Variants in DNAJC15 observed in about 807,000 individuals in gnomAD.
The protein encoded by DNAJC15 is dnaJ homolog subfamily C member 15.
Under a neutral mutation model 22.4 loss-of-function variants are expected in DNAJC15, and 27 were observed. The ratio of observed to expected loss-of-function variants is 1.20; its 90% CI spans 0.89 to 1.66. The LOEUF is 1.66. Ranked by LOEUF, DNAJC15 falls within the 40% of genes most tolerant of loss-of-function variation. The pLI is 0.00. For synonymous variants in DNAJC15, 79 were observed against 63.2 expected (o/e 1.25, Z -1.19); for missense variants, 208 against 187.1 (o/e 1.11, Z -0.65).
At chr13:43,078,436 T>C (rs2040645727) in intron 3 of DNAJC15, among the ~76,000 whole-genome samples, 176 bp from the exon 4 acceptor site, 1 of 152,200 alleles carries the variant, frequency 6.6e-6, no homozygotes, top group Admixed American at 6.5e-5. Context: ...TTTTAAGACT[T>C]CATATTGGTC....
intron 5 of DNAJC15, among the ~76,000 whole-genome samples, chr13:43,105,852 A>G (rs1358615661): frequency 6.6e-6 from 1 of 152,228 alleles, no homozygotes; most frequent in Non-Finnish European, 1.5e-5. Context: ...TAATCATGAA[A>G]TCAACATATT....
chr13:43,051,148 T>C (rs1232866718), intron 1 of DNAJC15, among the ~76,000 whole-genome samples: 1 of 152,124 alleles, frequency 6.6e-6, no homozygotes, highest in Non-Finnish European at 1.5e-5. Flanking sequence ...CTAATTTTTT[T>C]ATTTTTAGTA....
intron 3 of DNAJC15, among the ~76,000 whole-genome samples, chr13:43,076,210 A>G (rs1401712862): frequency 2.0e-5 from 3 of 152,198 alleles, no homozygotes; most frequent in Non-Finnish European, 2.9e-5. Context: ...GTATTGATTC[A>G]TTGATAGATT....
At chr13:43,106,392 G>A (rs1199901242) in intron 5 of DNAJC15, among the ~76,000 whole-genome samples, 1 of 152,036 alleles carries the variant, frequency 6.6e-6, no homozygotes, top group Admixed American at 6.6e-5. Context: ...TTTGTATGTA[G>A]GTTCTGTTTG....
At chr13:43,092,855 G>A (rs1006964545) in intron 5 of DNAJC15, among the ~76,000 whole-genome samples, 1 of 152,134 alleles carries the variant, frequency 6.6e-6, no homozygotes, top group Non-Finnish European at 1.5e-5. Flanking sequence ...TGGAGGCTAC[G>A]GTGAGCTATG....
At chr13:43,048,416 C>T (rs1345383455) in intron 1 of DNAJC15, among the ~76,000 whole-genome samples, 2 of 152,186 alleles carry the variant, frequency 1.3e-5, no homozygotes, top group Non-Finnish European at 1.5e-5. Flanking sequence ...CGTTTGAACC[C>T]GGGAGGCGGA....
intron 1 of DNAJC15, among the ~76,000 whole-genome samples, chr13:43,041,951 G>A (rs935209550): frequency 2.0e-5 from 3 of 152,222 alleles, no homozygotes; most frequent in African/African-American, 4.8e-5. Context: ...AGTAAGCTGG[G>A]AAGTAGTCAG....
chr13:43,097,745 C>T (rs1275693840), intron 5 of DNAJC15, among the ~76,000 whole-genome samples: 1 of 152,100 alleles, frequency 6.6e-6, no homozygotes, highest in Non-Finnish European at 1.5e-5. Flanking sequence ...CGAGACCAGC[C>T]TGACCAACAT....
intron 3 of DNAJC15, among the ~76,000 whole-genome samples, chr13:43,075,853 G>A (rs369590701): frequency 1.1e-4 from 16 of 152,222 alleles, no homozygotes; most frequent in African/African-American, 3.6e-4. Context: ...TAGTAGAGAC[G>A]GGGTTTCACT....
intron 5 of DNAJC15, among the ~76,000 whole-genome samples, chr13:43,106,662 G>A (rs1458025427): frequency 2.0e-5 from 3 of 151,544 alleles, no homozygotes; most frequent in East Asian, 3.9e-4. Context: ...TTTGGCACTG[G>A]GTAGTATATA....
At chr13:43,106,774 C>T (rs1351202571) in intron 5 of DNAJC15, among the ~76,000 whole-genome samples, 1 of 150,250 alleles carries the variant, frequency 6.7e-6, no homozygotes, top group South Asian at 2.1e-4. Flanking sequence ...AAAAGATACC[C>T]GTTTTCACAG....
At chr13:43,089,620 A>G (rs535218826) in intron 5 of DNAJC15, among the ~76,000 whole-genome samples, 182 of 152,356 alleles carry the variant, frequency 1.2e-3, no homozygotes, top group African/African-American at 4.2e-3. Context: ...GAAAGATAGC[A>G]TGAGATAAAG....
chr13:43,054,779 G>A (rs1421701735), intron 1 of DNAJC15, among the ~76,000 whole-genome samples: 1 of 152,020 alleles, frequency 6.6e-6, no homozygotes, highest in Non-Finnish European at 1.5e-5. Context: ...TAAAGTATTT[G>A]GGTAGACGGG....
At chr13:43,082,135 G>C (rs1319244474) in intron 4 of DNAJC15, among the ~76,000 whole-genome samples, 2 of 151,822 alleles carry the variant, frequency 1.3e-5, no homozygotes, top group Non-Finnish European at 2.9e-5. Flanking sequence ...TTTGGGTGGA[G>C]ACAGAGCCAA....
chr13:43,066,040 A>C (rs2040582026), intron 2 of DNAJC15, among the ~76,000 whole-genome samples: 1 of 152,150 alleles, frequency 6.6e-6, no homozygotes, highest in Non-Finnish European at 1.5e-5. Context: ...AATATTATGC[A>C]ATGTAAGTGG....
rs999417206 is a variant in DNAJC15 at position 43,111,220 on chromosome 13, A to G, written c.*3972A>G. ...TTCAAAGCACTTTACTTTTTATGAA[A>G]TATATTTTAGACATTCAGCAAATAT... is the stretch of plus-strand genomic sequence containing the variant. On this transcript the variant is annotated 3_prime_UTR_variant, in exon 6 of 6. Transcript: ENST00000379221. The G allele has an allele frequency of 8.5e-5, 13 of 152,234 alleles. No individual in the cohort carries two copies. Among genetic ancestry groups the G allele is most frequent in the African/African-American group, 3.1e-4 (13 of 41,466 alleles). The allele number at this position is 152,234 out of a possible 1,614,324, so 9.4% of individuals were successfully genotyped here.
At chr13:43,059,373 C>A (rs1254215711) in intron 1 of DNAJC15, among the ~76,000 whole-genome samples, 1 of 152,074 alleles carries the variant, frequency 6.6e-6, no homozygotes. Flanking sequence ...TATATTTCTT[C>A]TTCTCTTTCT....
At chr13:43,024,667 T>C (rs1295176444) in intron 1 of DNAJC15, among the ~76,000 whole-genome samples, 1 of 151,968 alleles carries the variant, frequency 6.6e-6, no homozygotes, top group African/African-American at 2.4e-5. Flanking sequence ...TTTGTAGCCA[T>C]ATTAAACAAC....
intron 1 of DNAJC15, among the ~76,000 whole-genome samples, chr13:43,045,254 C>T (rs1256954143): frequency 6.6e-6 from 1 of 152,008 alleles, no homozygotes; most frequent in Non-Finnish European, 1.5e-5. Flanking sequence ...TAATTTTTTT[C>T]CAAAAGTCAT....
Sources: gnomAD v4.1 joint callset for allele counts (sites outside exome capture counted in the v4.1 genomes callset) on GRCh38, gnomAD v4.1.1 for gene constraint, MANE v1.5 for transcripts, NCBI Gene and HGNC (gene_info 2026-07-23, HGNC 2026-07-21) for gene names.